Variants in KCNE1 observed in about 807,000 individuals in gnomAD.
The protein encoded by KCNE1 is potassium voltage-gated channel subfamily E regulatory subunit 1, also known as potassium voltage-gated channel subfamily E member 1.
KCNE1 carries 1 observed loss-of-function variant against 2.9 expected under a neutral mutation model. That is an observed-to-expected ratio of 0.34 (90% CI 0.12 to 1.62). KCNE1 has a LOEUF of 1.62. Ranked by LOEUF, KCNE1 falls within the 40% of genes most tolerant of loss-of-function variation. KCNE1 has a pLI of 0.36. For synonymous variants in KCNE1, 23 were observed against 65.4 expected (o/e 0.35, Z 3.13); for missense variants, 45 against 150.5 (o/e 0.30, Z 3.67).
intron 2 of KCNE1, among the ~76,000 whole-genome samples, chr21:34,495,448 A>G (rs1378905196): frequency 2.5e-5 from 1 of 40,242 alleles, no homozygotes; most frequent in East Asian, 5.5e-4. Context: ...AGTTTCAGTA[A>G]GATTGGTACC....
chr21:34,500,518 G>T (rs890594145), intron 2 of KCNE1, among the ~76,000 whole-genome samples: 4 of 152,140 alleles, frequency 2.6e-5, no homozygotes, highest in Admixed American at 1.3e-4. Context: ...TTTGCATAAT[G>T]TAAAACACTT....
At chr21:34,506,143 G>A (rs1270050806) in intron 2 of KCNE1, among the ~76,000 whole-genome samples, 3 of 152,170 alleles carry the variant, frequency 2.0e-5, no homozygotes, top group Non-Finnish European at 4.4e-5. Context: ...AGAATTATGT[G>A]GCTATAGCCA....
intron 2 of KCNE1, 42 bp downstream of exon 2, chr21:34,511,059 T>C: frequency 2.2e-5 from 17 of 779,244 alleles, no homozygotes; most frequent in Non-Finnish European, 2.6e-5. Context: ...GAGCAGAGGG[T>C]GCCTAACTGA....
chr21:34,506,631 T>C (rs1347896930), intron 2 of KCNE1, among the ~76,000 whole-genome samples: 1 of 152,234 alleles, frequency 6.6e-6, no homozygotes, highest in Non-Finnish European at 1.5e-5. Context: ...AATTGAGTTA[T>C]AAGCAATACA....
intron 2 of KCNE1, among the ~76,000 whole-genome samples, chr21:34,503,657 C>T (rs995533921): frequency 2.0e-5 from 3 of 152,206 alleles, no homozygotes; most frequent in Admixed American, 6.5e-5. Flanking sequence ...AAAAGACACT[C>T]ATCACTCTGG....
chr21:34,497,910 TG>T (rs1216243068), intron 2 of KCNE1, among the ~76,000 whole-genome samples: 2 of 152,112 alleles, frequency 1.3e-5, no homozygotes, highest in East Asian at 1.9e-4. Context: ...TTTATCTGAT[TG>T]GGTTCATTCA....
rs946928974 is a variant in KCNE1, at chr21:34,449,182, G to A, written c.*63C>T. The A allele has an allele frequency of 8.6e-6, 5 of 581,532 alleles. No homozygotes were observed. Among genetic ancestry groups the A allele is most frequent in the African/African-American group, 2.1e-5 (1 of 48,664 alleles). The allele number at this position is 581,532 out of a possible 1,614,324, so 36.0% of individuals were successfully genotyped here. On this transcript the variant is annotated 3_prime_UTR_variant, in exon 4 of 4. Coordinates refer to ENST00000399286, the MANE Select transcript of KCNE1 (RefSeq NM_000219.6). The stretch of plus-strand genomic sequence containing the variant: ...ATCCATCACAATAAAGAGTATGAGA[G>A]GAATGTGATTAGAAAATCAGGTTGC...
At chr21:34,507,652 GT>G (rs1425667781) in intron 2 of KCNE1, among the ~76,000 whole-genome samples, 1 of 152,164 alleles carries the variant, frequency 6.6e-6, no homozygotes, top group Non-Finnish European at 1.5e-5. Context: ...AAGAGAGACT[GT>G]TTTTTGAGCA....
chr21:34,511,401 T>C, intron 1 of KCNE1, 86 bp from the exon 2 acceptor site: 2 of 559,780 alleles, frequency 3.6e-6, no homozygotes, highest in Non-Finnish European at 4.5e-6. Flanking sequence ...TGTTTAGTCA[T>C]GAGGGCTCCA....
intron 2 of KCNE1, among the ~76,000 whole-genome samples, chr21:34,504,802 G>A (rs1983385404): frequency 6.6e-6 from 1 of 152,180 alleles, no homozygotes; most frequent in Non-Finnish European, 1.5e-5. Context: ...AGTCACAAAA[G>A]ACCTCCTGTT....
chr21:34,507,417 A>G (rs1006493249), intron 2 of KCNE1, among the ~76,000 whole-genome samples: 3 of 152,214 alleles, frequency 2.0e-5, no homozygotes, highest in African/African-American at 4.8e-5. Context: ...TGAAGTTCCT[A>G]AGAGACAACT....
chr21:34,504,437 G>A (rs1369859626), intron 2 of KCNE1, among the ~76,000 whole-genome samples: 1 of 152,240 alleles, frequency 6.6e-6, no homozygotes, highest in Non-Finnish European at 1.5e-5. Context: ...TTGGGAGGAT[G>A]TGGAGAGATC....
chr21:34,453,908 CA>C (rs202246187), intron 3 of KCNE1, among the ~76,000 whole-genome samples: 5,615 of 103,572 alleles, frequency 0.054, 881 homozygotes, highest in South Asian at 0.11. Flanking sequence ...GACTCTGTCT[CA>C]AAAAAAAATG....
rs41314067 is a variant in KCNE1, at chr21:34,448,755, C to G, written c.*490G>C. The G allele has an allele frequency of 0.15, 16,011 of 103,722 alleles. 5,113 individuals are homozygous for G. Among genetic ancestry groups the G allele is most frequent in the African/African-American group, 0.32 (9,246 of 28,768 alleles). The allele number at this position is 103,722 out of a possible 1,614,324, so 6.4% of individuals were successfully genotyped here. The stretch of plus-strand genomic sequence containing the variant: ...GGTGGTAAGGAGGATCCACGTCGCC[C>G]AGGCCCAGATGTGTGTGGCTCTTTG... On this transcript the variant is annotated 3_prime_UTR_variant, in exon 4 of 4. Coordinates refer to ENST00000399286, the MANE Select transcript of KCNE1 (RefSeq NM_000219.6).
chr21:34,511,440 T>A (rs1293200326), intron 1 of KCNE1, 125 bp from the exon 2 acceptor site: 2 of 272,946 alleles, frequency 7.3e-6, no homozygotes, highest in African/African-American at 4.6e-5. Flanking sequence ...CTCTCTCTTG[T>A]TCTCTCTCTC....
chr21:34,511,832 C>A (rs544761338), intron 1 of KCNE1, among the ~76,000 whole-genome samples, 195 bp downstream of exon 1: 2 of 152,320 alleles, frequency 1.3e-5, no homozygotes, highest in South Asian at 2.1e-4. Context: ...AACCCTTTCT[C>A]CCCCTTCTCC....
intron 2 of KCNE1, among the ~76,000 whole-genome samples, chr21:34,500,458 T>G (rs1270325512): frequency 6.6e-6 from 1 of 152,264 alleles, no homozygotes; most frequent in African/African-American, 2.4e-5. Flanking sequence ...CATTTCTTTG[T>G]GTGTACAATT....
At chr21:34,496,373 C>T (rs905934862) in intron 2 of KCNE1, among the ~76,000 whole-genome samples, 2 of 152,152 alleles carry the variant, frequency 1.3e-5, no homozygotes, top group East Asian at 1.9e-4. Context: ...ACACCTGACC[C>T]AGTTCAAATA....
chr21:34,505,994 T>C (rs1568864762), intron 2 of KCNE1, among the ~76,000 whole-genome samples: 1 of 152,228 alleles, frequency 6.6e-6, no homozygotes, highest in African/African-American at 2.4e-5. Flanking sequence ...AAATAGAACA[T>C]TATTTTGAAA....
Sources: gnomAD v4.1 joint callset for allele counts (sites outside exome capture counted in the v4.1 genomes callset) on GRCh38, gnomAD v4.1.1 for gene constraint, MANE v1.5 for transcripts, NCBI Gene and HGNC (gene_info 2026-07-23, HGNC 2026-07-21) for gene names.